Variants in COL13A1 observed in about 807,000 individuals in gnomAD.
The protein encoded by COL13A1 is collagen type XIII alpha 1 chain, also known as collagen alpha-1(XIII) chain.
In COL13A1, 89 loss-of-function variants were observed where a neutral mutation model predicts 130.9. That is an observed-to-expected ratio of 0.68 (90% CI 0.57 to 0.81). The LOEUF is 0.81. COL13A1 is among the 30% of genes least tolerant of loss of function. The pLI is 0.00. For missense variants in COL13A1, 879 were observed against 934.6 expected, an observed-to-expected ratio of 0.94 and a Z score of 0.78; for synonymous variants, 402 against 341.6, an observed-to-expected ratio of 1.18 and a Z score of -1.95.
At chr10:69,908,275 G>A (rs1159425392) in intron 17 of COL13A1, among the ~76,000 whole-genome samples, 2 of 152,192 alleles carry the variant, frequency 1.3e-5, no homozygotes, top group African/African-American at 4.8e-5. Flanking sequence ...TGGGTGCCTG[G>A]TGAATGAAAT....
At chr10:69,941,648 G>A (rs2067657420) in intron 35 of COL13A1, among the ~76,000 whole-genome samples, 1 of 152,146 alleles carries the variant, frequency 6.6e-6, no homozygotes, top group Non-Finnish European at 1.5e-5. Context: ...TCACTACAGA[G>A]CAAGTGAGGC....
chr10:69,829,129 C>T, intron 2 of COL13A1: 1 of 608,724 alleles, frequency 1.6e-6, no homozygotes, highest in African/African-American at 2.0e-5. Context: ...ATGACCTGGG[C>T]TTCAGGCTGA....
chr10:69,893,605 G>A (rs1360908522), intron 10 of COL13A1, among the ~76,000 whole-genome samples: 3 of 152,248 alleles, frequency 2.0e-5, no homozygotes, highest in Non-Finnish European at 4.4e-5. Context: ...GTGGCTCAAA[G>A]GGACCTGCTT....
chr10:69,855,778 G>GGGGATGGATGCAAGA, intron 2 of COL13A1, among the ~76,000 whole-genome samples: 1 of 148,284 alleles, frequency 6.7e-6, no homozygotes, highest in East Asian at 2.0e-4. Context: ...CAGTAGAAGG[G>GGGGATGGATGCAAGA]GGGAGGGATG....
intron 2 of COL13A1, among the ~76,000 whole-genome samples, chr10:69,861,860 T>G (rs1457227291): frequency 1.3e-5 from 2 of 152,166 alleles, no homozygotes; most frequent in African/African-American, 4.8e-5. Context: ...TCCCAGGACC[T>G]GTTATACCCC....
At chr10:69,946,103 A>C (rs1378771250) in intron 37 of COL13A1, among the ~76,000 whole-genome samples, 1 of 140,902 alleles carries the variant, frequency 7.1e-6, no homozygotes, top group Non-Finnish European at 1.6e-5. Context: ...AAAAAAAAAA[A>C]AAAATCACCT....
Position 69,925,876 on chromosome 10 carries a change from A to G in COL13A1, c.1398+4A>G, listed in dbSNP as rs2065279842. On this transcript the variant is annotated splice_donor_region_variant and intron_variant, in intron 26 of 40. Transcript: ENST00000645393. ...AAACATCAATGAGGCTCTCCAGGTG[A>G]GCAGGGTCCAGCCCAGAGGCCAAGA... 2 of 1,585,550 alleles carry G rather than the reference A, an allele frequency of 1.3e-6. No individual in the cohort carries two copies. The highest frequency in any genetic ancestry group is 1.7e-6 in the Non-Finnish European group (2 of 1,165,470).
At chr10:69,806,631 A>C (rs1841658863) in intron 1 of COL13A1, among the ~76,000 whole-genome samples, 1 of 152,236 alleles carries the variant, frequency 6.6e-6, no homozygotes. Context: ...AGAAGCTGGA[A>C]TGTCCCAAAT....
intron 2 of COL13A1, among the ~76,000 whole-genome samples, chr10:69,866,337 G>A (rs1279928326): frequency 2.0e-5 from 3 of 152,190 alleles, no homozygotes; most frequent in Non-Finnish European, 2.9e-5. Context: ...CCAGGGCCCC[G>A]TCAGGCCTGG....
intron 2 of COL13A1, among the ~76,000 whole-genome samples, chr10:69,826,435 G>C (rs532291284): frequency 6.6e-6 from 1 of 152,200 alleles, no homozygotes; most frequent in Non-Finnish European, 1.5e-5. Flanking sequence ...GGGGTGATGT[G>C]GTCAGGCTTG....
At chr10:69,860,341 A>G (rs908783532) in intron 2 of COL13A1, among the ~76,000 whole-genome samples, 1 of 152,212 alleles carries the variant, frequency 6.6e-6, no homozygotes, top group Non-Finnish European at 1.5e-5. Flanking sequence ...GCTGGTGTTG[A>G]GCAGGTGTTG....
At chr10:69,951,647 G>C (rs752353318) in intron 38 of COL13A1, among the ~76,000 whole-genome samples, 1 of 152,226 alleles carries the variant, frequency 6.6e-6, no homozygotes, top group African/African-American at 2.4e-5. Flanking sequence ...TTACAGACAT[G>C]AGCCACCATG....
intron 17 of COL13A1, among the ~76,000 whole-genome samples, chr10:69,916,786 G>A (rs2063969981): frequency 6.6e-6 from 1 of 152,092 alleles, no homozygotes; most frequent in Non-Finnish European, 1.5e-5. Flanking sequence ...GACTTGGAAG[G>A]GAAAGGAACC....
intron 2 of COL13A1, among the ~76,000 whole-genome samples, chr10:69,832,103 C>T (rs1210078766): frequency 6.6e-6 from 1 of 152,192 alleles, no homozygotes; most frequent in Non-Finnish European, 1.5e-5. Context: ...AAGGCAATGG[C>T]ACGCTTGCCA....
intron 10 of COL13A1, among the ~76,000 whole-genome samples, chr10:69,891,651 T>C (rs1476391445): frequency 2.6e-5 from 4 of 152,184 alleles, no homozygotes; most frequent in African/African-American, 9.7e-5. Flanking sequence ...CCATGCCACA[T>C]TGTTATAGAG....
chr10:69,902,454 C>T (rs1294872782), intron 14 of COL13A1, among the ~76,000 whole-genome samples: 1 of 152,192 alleles, frequency 6.6e-6, no homozygotes, highest in Non-Finnish European at 1.5e-5. Context: ...GGCTGTCTCC[C>T]ACCCACTCCT....
chr10:69,910,758 C>T (rs1449692254), intron 17 of COL13A1, among the ~76,000 whole-genome samples: 1 of 152,246 alleles, frequency 6.6e-6, no homozygotes, highest in Non-Finnish European at 1.5e-5. Flanking sequence ...TAAAACATTA[C>T]AACCTTGGCT....
In COL13A1 at chr10:69,945,672, G is replaced by A; in HGVS notation, c.1970G>A (p.Gly657Asp). The part of the protein sequence containing the change: ...PGPAGPKGER[G>D]SKGDPGMTGP... ...ATGCATTTCTTTCTCCCATTTCAGG[G>A]CAGCAAAGGAGACCCTGGGATGACA... The change falls in exon 37 of 41, where the codon GGC becomes GAC. Residue 657 changes from glycine to aspartate, a missense_variant and splice_region_variant. Around this residue, in one of 3 missense-constraint regions of COL13A1, gnomAD observed 96 missense variants for 147.7 expected, o/e 0.65. Transcript: ENST00000645393. The A allele has an allele frequency of 1.2e-6, 2 of 1,612,816 alleles. No homozygotes were observed. The highest frequency in any genetic ancestry group is 1.1e-5 in the South Asian group (1 of 90,662).
chr10:69,935,069 GT>G (rs201778868), intron 31 of COL13A1, among the ~76,000 whole-genome samples: 2 of 150,286 alleles, frequency 1.3e-5, no homozygotes, highest in Non-Finnish European at 3.0e-5. Context: ...ATCTTCTGGT[GT>G]TTTTTTTGTT....
Sources: allele counts gnomAD v4.1 joint callset (sites outside exome capture counted in the v4.1 genomes callset), GRCh38; gene constraint gnomAD v4.1.1; regional missense constraint gnomAD v4.1.1; transcripts MANE v1.5; gene names NCBI Gene and HGNC (gene_info 2026-07-23, HGNC 2026-07-21).